The following SKA3 variants were observed in gnomAD, a reference collection of about 807,000 sequenced individuals.
SKA3 encodes the protein spindle and kinetochore associated complex subunit 3, also known as spindle and kinetochore-associated protein 3.
A neutral mutation model predicts 44.2 loss-of-function variants in SKA3; 39 were observed. The observed-to-expected ratio is 0.88, with a 90% CI of 0.68 to 1.15. The LOEUF is 1.15. Among genes scored for constraint, SKA3 ranks in the 50% most tolerant of loss-of-function variants. The probability of loss-of-function intolerance (pLI) is 0.00; values close to 1 mark genes in which losing one functional copy is unlikely to be tolerated. For missense variants in SKA3, 511 were observed against 485.8 expected (o/e 1.05, Z -0.49); for synonymous variants, 192 against 172.0 (o/e 1.12, Z -0.91).
chr13:21,176,483 G>A lies in SKA3; in HGVS notation c.-6C>T, dbSNP rs1447074245. ...AAGCTCCGGATAGGGTCCATGCTGAGCACAGCGGGGAAGGACTCCAGGCGT... is the reference window on the plus strand; with the variant it reads ...AAGCTCCGGATAGGGTCCATGCTGAACACAGCGGGGAAGGACTCCAGGCGT... On this transcript the variant is annotated 5_prime_UTR_variant, in exon 1 of 9. Coordinates refer to ENST00000314759, the MANE Select transcript of SKA3 (RefSeq NM_145061.6). The A allele has an allele frequency of 6.5e-6, 10 of 1,526,942 alleles. No homozygotes were observed. In the Middle Eastern group the frequency reaches 1.0e-3, roughly 157 times the overall value. 94.6% of individuals were successfully genotyped at this position (1,526,942 alleles called of 1,614,324 possible).
chr13:21,168,076 T>C lies in SKA3; in HGVS notation c.655A>G (p.Lys219Glu). 6.2e-7 allele frequency: 1 copy of C among 1,614,118 alleles called. No homozygotes were observed. Among genetic ancestry groups the C allele is most frequent in the South Asian group, 1.1e-5 (1 of 91,068 alleles). The change falls in exon 4 of 9, where the codon AAA (lysine) becomes GAA (glutamate). Residue 219 changes from lysine (K) to glutamate (E), a missense_variant. Lys to Glu is a moderately conservative substitution (Grantham distance 56). Coordinates refer to ENST00000314759, the MANE Select transcript of SKA3 (RefSeq NM_145061.6). Reference sequence around the variant, plus strand: ...TCAGAGATACCAAAGTGTTCTAATTTAGGAGTTACACACTCAAAATCATCC... The same window carrying C: ...TCAGAGATACCAAAGTGTTCTAATTCAGGAGTTACACACTCAAAATCATCC... ...KMDDFECVTP[K>E]LEHFGISEYT...
chr13:21,170,115 T>A (rs1262359659), intron 3 of SKA3, among the ~76,000 whole-genome samples: 2 of 151,808 alleles, frequency 1.3e-5, no homozygotes, highest in African/African-American at 4.8e-5. Context: ...AACACCTAGT[T>A]GAGAAAAATA....
At chr13:21,162,146 T>C (rs929386486) in intron 4 of SKA3, among the ~76,000 whole-genome samples, 1 of 152,182 alleles carries the variant, frequency 6.6e-6, no homozygotes, top group Non-Finnish European at 1.5e-5. Flanking sequence ...TTATAACCAG[T>C]GTACACATAT....
At chr13:21,158,880 A>AAG (rs1312330314) in intron 6 of SKA3, among the ~76,000 whole-genome samples, 1 of 152,164 alleles carries the variant, frequency 6.6e-6, no homozygotes, top group South Asian at 2.1e-4. Context: ...GGTCAGAGTT[A>AAG]AGAGAGAGAG....
At chr13:21,162,676 T>C (rs2137365513) in intron 4 of SKA3, among the ~76,000 whole-genome samples, 1 of 152,278 alleles carries the variant, frequency 6.6e-6, no homozygotes, top group East Asian at 1.9e-4. Context: ...CCACTACACC[T>C]GGTCATTGTG....
intron 3 of SKA3, among the ~76,000 whole-genome samples, chr13:21,168,809 T>G (rs1300771278): frequency 6.6e-6 from 1 of 152,126 alleles, no homozygotes; most frequent in African/African-American, 2.4e-5. Context: ...ATTTCAGGCA[T>G]GAGCCACCAC....
At chr13:21,171,761 A>T (rs1871066222) in intron 3 of SKA3, among the ~76,000 whole-genome samples, 3 of 152,328 alleles carry the variant, frequency 2.0e-5, no homozygotes, top group African/African-American at 7.2e-5. Flanking sequence ...AAACTGAGGC[A>T]CAAGGTTAAG....
intron 6 of SKA3, among the ~76,000 whole-genome samples, chr13:21,159,596 C>T (rs543419510): frequency 9.9e-5 from 15 of 152,162 alleles, no homozygotes; most frequent in East Asian, 1.9e-4. Context: ...TGATATCATT[C>T]GATATTTATA....
Position 21,154,596 on chromosome 13 carries a change from A to G in SKA3, c.*554T>C, listed in dbSNP as rs1314954527. 6.4e-6 allele frequency: 1 copy of G among 155,340 alleles called. No individual in the cohort carries two copies. Among genetic ancestry groups the G allele is most frequent in the Non-Finnish European group, 1.4e-5 (1 of 69,892 alleles). The allele number at this position is 155,340 out of a possible 1,614,324, so 9.6% of individuals were successfully genotyped here. A position where few individuals can be genotyped will look rare whatever the true frequency, so the allele number is the denominator to read the frequency against. On this transcript the variant is annotated 3_prime_UTR_variant, in exon 9 of 9. Coordinates refer to ENST00000314759, the MANE Select transcript of SKA3 (RefSeq NM_145061.6). ...GTTCCAACTGTTGAGACCTGTCTCT[A>G]CCTCCAATGGTCACAGTATATAGTT...
intron 8 of SKA3, 121 bp downstream of exon 8, chr13:21,155,572 A>G (rs941931771): frequency 6.0e-6 from 4 of 672,232 alleles, no homozygotes; most frequent in East Asian, 5.4e-5. Flanking sequence ...ACACCTGGCT[A>G]ATTTTTGTAT....
At chr13:21,169,606 T>C (rs1486725107) in intron 3 of SKA3, among the ~76,000 whole-genome samples, 6 of 152,192 alleles carry the variant, frequency 3.9e-5, no homozygotes, top group African/African-American at 1.2e-4. Flanking sequence ...GTACTGCCCA[T>C]TGCAACCTTG....
rs771399461 is a variant in SKA3 at position 21,161,827 on chromosome 13, G to A, written c.792C>T (p.Ala264=). 11 of 1,612,098 alleles carry A rather than the reference G, an allele frequency of 6.8e-6. No individual in the cohort carries two copies. The highest frequency in any genetic ancestry group is 9.3e-6 in the Non-Finnish European group (11 of 1,178,834). ...TESRLNDNVF[A]TPSPIIQQLE... Reference sequence around the variant, plus strand: ...ACTGCTGGATGATGGGGCTGGGAGTGGCAAAAACATTATCATTGAGCCTGG... The same window carrying A: ...ACTGCTGGATGATGGGGCTGGGAGTAGCAAAAACATTATCATTGAGCCTGG... Residue 264 remains alanine, a synonymous_variant, in exon 5 of 9, where the codon GCC becomes GCT. Transcript: ENST00000314759.
intron 4 of SKA3, among the ~76,000 whole-genome samples, chr13:21,164,060 G>A (rs549294398): frequency 2.6e-5 from 4 of 151,720 alleles, no homozygotes; most frequent in Admixed American, 1.3e-4. Flanking sequence ...CACCACGCCC[G>A]GCCTCTTCTT....
chr13:21,156,281 A>G (rs966593527), intron 7 of SKA3, among the ~76,000 whole-genome samples: 2 of 152,182 alleles, frequency 1.3e-5, no homozygotes, highest in African/African-American at 4.8e-5. Context: ...TAAAGCTTAA[A>G]ATGTATTCTG....
At chr13:21,158,991 A>G (rs1412642990) in intron 6 of SKA3, among the ~76,000 whole-genome samples, 2 of 152,218 alleles carry the variant, frequency 1.3e-5, no homozygotes, top group Admixed American at 6.5e-5. Context: ...TGATACTTCA[A>G]CTGATAACAC....
At chr13:21,163,205 AAAAG>A (rs59824329) in intron 4 of SKA3, among the ~76,000 whole-genome samples, 7,548 of 149,614 alleles carry the variant, frequency 0.05, 265 homozygotes, top group Middle Eastern at 0.075. Context: ...TCTAAAAATA[AAAAG>A]AAAGAAAGAA....
chr13:21,173,673 C>A (rs79542195), intron 1 of SKA3, among the ~76,000 whole-genome samples: 3,001 of 152,298 alleles, frequency 0.02, 92 homozygotes, highest in African/African-American at 0.068. Context: ...CTGTTACATT[C>A]TTCCACGTTC....
rs768262131 is a variant in SKA3 at position 21,172,647 on chromosome 13, G to A, written c.138C>T (p.Asp46=). The change falls in exon 2 of 9, where the codon GAC becomes GAT. Residue 46 remains aspartate (D), a synonymous_variant. Transcript: ENST00000314759. ...FEDYPMRILY[D]LHSEVQTLKD... ...TTAGAGTCTGAACTTCTGAATGAAG[G>A]TCATATAAAATTCTCATTGGATAAT... The A allele has an allele frequency of 6.3e-7, 1 of 1,582,726 alleles. No individual in the cohort carries two copies. The highest frequency in any genetic ancestry group is 2.2e-5 in the East Asian group (1 of 44,532).
intron 4 of SKA3, among the ~76,000 whole-genome samples, chr13:21,167,554 CAGG>C (rs1423091928): frequency 6.6e-6 from 1 of 152,074 alleles, no homozygotes; most frequent in Non-Finnish European, 1.5e-5. Context: ...ATCATGAGGT[CAGG>C]AGATCAGGAC....
Sources: allele counts gnomAD v4.1 joint callset (sites outside exome capture counted in the v4.1 genomes callset), GRCh38; gene constraint gnomAD v4.1.1; transcripts MANE v1.5; gene names NCBI Gene and HGNC (gene_info 2026-07-23, HGNC 2026-07-21).